Variants in NOTCH2 observed in about 807,000 individuals in gnomAD.
NOTCH2 encodes notch receptor 2, also known as neurogenic locus notch homolog protein 2.
Under a neutral mutation model 235.8 loss-of-function variants are expected in NOTCH2, and 29 were observed. That is an observed-to-expected ratio of 0.12 (90% CI 0.09 to 0.17). The LOEUF (loss-of-function observed/expected upper bound fraction) is 0.17. Among genes scored for constraint, NOTCH2 ranks in the 10% least tolerant of loss-of-function variants. NOTCH2 has a pLI of 1.00. For missense variants in NOTCH2, 2,285 were observed against 3,150.2 expected (o/e 0.73, Z 6.57); for synonymous variants, 1,086 against 1,141.5 (o/e 0.95, Z 0.98).
At chr1:119,939,754 G>T (rs1391417015) in intron 19 of NOTCH2, among the ~76,000 whole-genome samples, 5 of 152,190 alleles carry the variant, frequency 3.3e-5, no homozygotes, top group Admixed American at 2.6e-4. Context: ...ACAAATAGGA[G>T]CCCAACCAAA....
intron 21 of NOTCH2, among the ~76,000 whole-genome samples, chr1:119,936,179 T>A (rs1292288761): frequency 6.6e-6 from 1 of 152,206 alleles, no homozygotes; most frequent in Admixed American, 6.5e-5. Flanking sequence ...GTGGCTTTAT[T>A]TGGACACTTT....
chr1:119,915,381 AC>A lies in NOTCH2; in HGVS notation c.7340del (p.Gly2447ValfsTer43). On this transcript the variant is annotated frameshift_variant, in exon 34 of 34. Coordinates refer to ENST00000256646, the MANE Select transcript of NOTCH2 (RefSeq NM_024408.4). LOFTEE classifies it high-confidence loss of function. The part of the protein sequence containing the change: ...SDVTTSPTPG[G>X]AGGGQRGPGT... Reference sequence around the variant, plus strand: ...CAGGTCCCCGCTGACCTCCTCCAGCACCCCCAGGGGTAGGGCTGGTGGTCAC... The same window carrying A: ...CAGGTCCCCGCTGACCTCCTCCAGCACCCCAGGGGTAGGGCTGGTGGTCAC... 2 of 1,613,976 alleles carry A rather than the reference AC, an allele frequency of 1.2e-6. No individual in the cohort carries two copies. Among genetic ancestry groups the A allele is most frequent in the Non-Finnish European group, 1.7e-6 (2 of 1,179,990 alleles).
intron 1 of NOTCH2, among the ~76,000 whole-genome samples, chr1:120,045,716 T>C (rs1553213505): frequency 6.6e-6 from 1 of 152,264 alleles, no homozygotes; most frequent in Non-Finnish European, 1.5e-5. Context: ...AGTATACAGT[T>C]TTTTAATTGA....
At chr1:120,027,074 C>G (rs868980818) in intron 2 of NOTCH2, among the ~76,000 whole-genome samples, 124 of 145,170 alleles carry the variant, frequency 8.5e-4, no homozygotes, top group African/African-American at 3.0e-3. Flanking sequence ...GCCTCAGCCT[C>G]CCGAGTAACT....
Position 119,986,992 on chromosome 1 carries a change from G to T in NOTCH2, c.842C>A (p.Thr281Asn). ...TTGTGGGGGACAGCGGCAGTTGTAAGTGTTGACCCCATCCACACAAACCCC... is the reference window on the plus strand; with the variant it reads ...TTGTGGGGGACAGCGGCAGTTGTAATTGTTGACCCCATCCACACAAACCCC... ...NGGVCVDGVN[T>N]YNCRCPPQWT... The change falls in exon 5 of 34, where the codon ACT becomes AAT. Residue 281 changes from threonine to asparagine, a missense_variant. By Grantham distance (65) the Thr-to-Asn change is moderately conservative (BLOSUM62 0). Around this residue, in one of 6 missense-constraint regions of NOTCH2, gnomAD observed 431 missense variants for 757.8 expected, o/e 0.57. Coordinates refer to ENST00000256646, the MANE Select transcript of NOTCH2 (RefSeq NM_024408.4). 6.2e-7 allele frequency: 1 copy of T among 1,613,704 alleles called. No homozygotes were observed. The highest frequency in any genetic ancestry group is 8.5e-7 in the Non-Finnish European group (1 of 1,179,692).
At position 119,967,532 on chromosome 1, in the gene NOTCH2, G is replaced by A. The variant is rs1651189589; in HGVS notation, c.1354C>T (p.Arg452Cys). 6.2e-7 allele frequency: 1 copy of A among 1,614,062 alleles called. No individual in the cohort carries two copies. The highest frequency in any genetic ancestry group is 8.5e-7 in the Non-Finnish European group (1 of 1,179,954). The change falls in exon 8 of 34, where the codon CGT (arginine) becomes TGT (cysteine). Residue 452 changes from arginine (R) to cysteine (C), a missense_variant. Physicochemically the swap from Arg to Cys is radical, Grantham distance 180 (BLOSUM62 -3). Around this residue, in one of 6 missense-constraint regions of NOTCH2, gnomAD observed 431 missense variants for 757.8 expected, o/e 0.57. Coordinates refer to ENST00000256646, the MANE Select transcript of NOTCH2 (RefSeq NM_024408.4). ...CACTCATTGATGTCCATCTCACAAC[G>A]AGGTCCTGCATAACCCTTCAGACAC... ...CECLKGYAGP[R>C]CEMDINECHS...
intron 11 of NOTCH2, among the ~76,000 whole-genome samples, chr1:119,961,633 A>AT (rs1489642197): frequency 2.0e-5 from 3 of 152,124 alleles, no homozygotes; most frequent in Non-Finnish European, 4.4e-5. Context: ...GTTGTTGTTT[A>AT]TTTTTTGTAA....
At chr1:119,952,581 C>T (rs1650522991) in intron 14 of NOTCH2, among the ~76,000 whole-genome samples, 1 of 152,130 alleles carries the variant, frequency 6.6e-6, no homozygotes, top group Non-Finnish European at 1.5e-5. Context: ...GTTCGCAGTC[C>T]TATGAGAATC....
intron 1 of NOTCH2, among the ~76,000 whole-genome samples, chr1:120,035,428 T>C (rs587639733): frequency 6.6e-6 from 1 of 152,056 alleles, no homozygotes; most frequent in Admixed American, 6.5e-5. Context: ...GAGCTTACCT[T>C]ACCTGCCCAG....
intron 22 of NOTCH2, 67 bp downstream of exon 22, chr1:119,935,405 C>A (rs1553195608): frequency 4.3e-6 from 7 of 1,613,112 alleles, no homozygotes; most frequent in Non-Finnish European, 5.9e-6. Flanking sequence ...ATCCCCTGAA[C>A]ACTAAGAATG....
chr1:119,918,210 C>T (rs1161968333), intron 32 of NOTCH2, among the ~76,000 whole-genome samples, 196 bp downstream of exon 32: 1 of 152,158 alleles, frequency 6.6e-6, no homozygotes, highest in Non-Finnish European at 1.5e-5. Context: ...TTAAAAATCC[C>T]TCATTTTAAT....
chr1:119,969,883 A>G (rs1464797334), intron 5 of NOTCH2, 139 bp from the exon 6 acceptor site: 1 of 788,006 alleles, frequency 1.3e-6, no homozygotes, highest in Non-Finnish European at 2.1e-6. Context: ...GGGTCTTCAC[A>G]TGAATTTTAA....
chr1:119,980,632 T>C (rs1191406293), intron 5 of NOTCH2, among the ~76,000 whole-genome samples: 1 of 152,234 alleles, frequency 6.6e-6, no homozygotes, highest in Non-Finnish European at 1.5e-5. Flanking sequence ...AATGAATATT[T>C]TGCAGTTATC....
chr1:119,969,390 G>C, intron 6 of NOTCH2, 121 bp downstream of exon 6: 1 of 851,004 alleles, frequency 1.2e-6, no homozygotes, highest in Non-Finnish European at 1.9e-6. Context: ...GAACAGTCCT[G>C]AGTGATATGT....
chr1:119,971,867 G>A (rs1179567907), intron 5 of NOTCH2, among the ~76,000 whole-genome samples: 1 of 152,136 alleles, frequency 6.6e-6, no homozygotes, highest in Non-Finnish European at 1.5e-5. Flanking sequence ...TCTTGCAACA[G>A]GTCTTTCTAA....
intron 15 of NOTCH2, chr1:119,950,372 T>C: frequency 2.5e-6 from 1 of 406,702 alleles, no homozygotes. Context: ...AAATTACCAA[T>C]AAGTGGTAGC....
chr1:120,067,292 T>A (rs1297402730), intron 1 of NOTCH2, among the ~76,000 whole-genome samples: 1 of 146,620 alleles, frequency 6.8e-6, no homozygotes, highest in African/African-American at 2.7e-5. Flanking sequence ...AGAACACCTG[T>A]CTAAAAATCA....
chr1:119,967,720 G>T, intron 7 of NOTCH2, 99 bp from the exon 8 acceptor site: 1 of 1,029,782 alleles, frequency 9.7e-7, no homozygotes, highest in Non-Finnish European at 1.5e-6. Flanking sequence ...TCAGGGCCAG[G>T]CCTTCAATAA....
At chr1:120,011,773 T>C (rs1194610842) in intron 2 of NOTCH2, among the ~76,000 whole-genome samples, 2 of 152,130 alleles carry the variant, frequency 1.3e-5, no homozygotes, top group African/African-American at 2.4e-5. Context: ...TCTCAGCACT[T>C]TGGGAGACCG....
Sources: gnomAD v4.1 joint callset for allele counts (sites outside exome capture counted in the v4.1 genomes callset) on GRCh38, gnomAD v4.1.1 for gene constraint, gnomAD v4.1.1 regional missense constraint, MANE v1.5 for transcripts, NCBI Gene and HGNC (gene_info 2026-07-23, HGNC 2026-07-21) for gene names.